NOS1AP: variants seen among roughly 807,000 people sequenced by gnomAD.
NOS1AP encodes the protein nitric oxide synthase 1 adaptor protein.
A neutral mutation model predicts 56.2 loss-of-function variants in NOS1AP; 21 were observed. That is an observed-to-expected ratio of 0.37 (90% CI 0.26 to 0.54). The LOEUF is 0.54. Among genes scored for constraint, NOS1AP ranks in the 20% least tolerant of loss-of-function variants. The pLI is 0.84. For missense variants in NOS1AP, 522 were observed against 657.8 expected, an observed-to-expected ratio of 0.79 and a Z score of 2.26; for synonymous variants, 270 against 274.6, an observed-to-expected ratio of 0.98 and a Z score of 0.17.
chr1:162,302,424 A>G (rs1219344551), intron 4 of NOS1AP, among the ~76,000 whole-genome samples: 6 of 152,234 alleles, frequency 3.9e-5, no homozygotes, highest in South Asian at 2.1e-4. Flanking sequence ...AACAGATTGC[A>G]TCAGAAGCTG....
chr1:162,176,304 C>T (rs1651057041), intron 2 of NOS1AP, among the ~76,000 whole-genome samples: 1 of 152,128 alleles, frequency 6.6e-6, no homozygotes, highest in African/African-American at 2.4e-5. Context: ...AAATAGTCCA[C>T]TGTGCTTCAT....
rs556085049 is a variant in NOS1AP, at chr1:162,186,413, CAAAACAAAAA to C, written c.177+31950_177+31959del. Among the ~76,000 whole-genome samples the C allele has an allele frequency of 3.3e-4, 49 of 150,610 alleles. No homozygotes were observed. In the South Asian group the frequency reaches 8.6e-3, roughly 27 times the overall value. On this transcript the variant is annotated intron_variant, in intron 2 of 9. Transcript: ENST00000361897. Reference sequence around the variant, plus strand: ...GATGAAGAAAAAAAACAAAACAAAACAAAACAAAAAAAAACAAAAAAACCCCAGCTCTCTC... The same window carrying C: ...GATGAAGAAAAAAAACAAAACAAAACAAAACAAAAAAACCCCAGCTCTCTC...
chr1:162,253,359 G>A (rs1047305596), intron 2 of NOS1AP, among the ~76,000 whole-genome samples: 1 of 152,148 alleles, frequency 6.6e-6, no homozygotes, highest in African/African-American at 2.4e-5. Context: ...GGTGCAAAAT[G>A]AACTAATTCC....
At chr1:162,082,603 A>T (rs571136146) in intron 1 of NOS1AP, among the ~76,000 whole-genome samples, 9 of 152,196 alleles carry the variant, frequency 5.9e-5, no homozygotes, top group Admixed American at 5.9e-4. Flanking sequence ...AACATCTGTT[A>T]TTTTTTGACT....
At chr1:162,138,802 C>G (rs937700069) in intron 1 of NOS1AP, among the ~76,000 whole-genome samples, 1 of 152,176 alleles carries the variant, frequency 6.6e-6, no homozygotes, top group Non-Finnish European at 1.5e-5. Context: ...GGGTGTTTTA[C>G]TGTCTTGCTA....
intron 2 of NOS1AP, among the ~76,000 whole-genome samples, chr1:162,233,188 T>A (rs1179241555): frequency 6.6e-6 from 1 of 152,216 alleles, no homozygotes; most frequent in East Asian, 1.9e-4. Flanking sequence ...CTGATATTGC[T>A]GCTCCAGGGA....
intron 2 of NOS1AP, among the ~76,000 whole-genome samples, chr1:162,259,025 G>C (rs1214152452): frequency 1.3e-5 from 2 of 152,126 alleles, no homozygotes; most frequent in African/African-American, 4.8e-5. Flanking sequence ...AGTATCACCA[G>C]CCTCACCATT....
intron 2 of NOS1AP, among the ~76,000 whole-genome samples, chr1:162,184,019 G>A (rs1026996101): frequency 2.6e-5 from 4 of 152,124 alleles, no homozygotes; most frequent in African/African-American, 7.2e-5. Context: ...TTCCTTACCC[G>A]GCTTAATCAT....
chr1:162,349,231 G>A (rs1319012722), intron 6 of NOS1AP, among the ~76,000 whole-genome samples: 2 of 151,966 alleles, frequency 1.3e-5, no homozygotes, highest in Non-Finnish European at 2.9e-5. Context: ...CTGATTGGAT[G>A]AGGTCTTCCC....
At chr1:162,301,788 G>T (rs534439881) in intron 4 of NOS1AP, among the ~76,000 whole-genome samples, 2 of 152,302 alleles carry the variant, frequency 1.3e-5, no homozygotes, top group Non-Finnish European at 2.9e-5. Flanking sequence ...TTTAGGTTTT[G>T]ATTTTGTCCG....
intron 2 of NOS1AP, among the ~76,000 whole-genome samples, chr1:162,273,465 G>A (rs894475046): frequency 6.6e-6 from 1 of 152,032 alleles, no homozygotes; most frequent in East Asian, 1.9e-4. Flanking sequence ...GCGCCCGGCC[G>A]AAGCCTCTGT....
At chr1:162,169,720 TA>T (rs1355339243) in intron 2 of NOS1AP, among the ~76,000 whole-genome samples, 1 of 152,202 alleles carries the variant, frequency 6.6e-6, no homozygotes, top group African/African-American at 2.4e-5. Context: ...ATCATGTCTC[TA>T]TTCAAAAACT....
At chr1:162,240,616 T>C (rs1400719850) in intron 2 of NOS1AP, among the ~76,000 whole-genome samples, 1 of 152,190 alleles carries the variant, frequency 6.6e-6, no homozygotes, top group South Asian at 2.1e-4. Flanking sequence ...AAACAAAAAC[T>C]ACAAACGTGG....
intron 8 of NOS1AP, chr1:162,360,417 A>G (rs1298761831): frequency 5.8e-6 from 1 of 173,826 alleles, no homozygotes; most frequent in East Asian, 1.7e-4. Context: ...CTGCATGGCC[A>G]TGGGCTGGGC....
At chr1:162,147,331 CAAAAAA>C (rs572205161) in intron 1 of NOS1AP, among the ~76,000 whole-genome samples, 1 of 74,860 alleles carries the variant, frequency 1.3e-5, no homozygotes, top group African/African-American at 4.3e-5. Flanking sequence ...GACTCCGTCT[CAAAAAA>C]AAAAAAAAAA....
At chr1:162,138,936 C>T (rs1415174342) in intron 1 of NOS1AP, among the ~76,000 whole-genome samples, 2 of 152,160 alleles carry the variant, frequency 1.3e-5, no homozygotes. Flanking sequence ...CAGGGCAGTG[C>T]CAGGCAAACT....
intron 1 of NOS1AP, among the ~76,000 whole-genome samples, chr1:162,119,841 G>A (rs904873257): frequency 7.2e-5 from 11 of 152,074 alleles, no homozygotes; most frequent in South Asian, 2.1e-4. Flanking sequence ...GCGTAGAATC[G>A]TCCTCTGAAG....
chr1:162,187,621 G>A (rs1361032), intron 2 of NOS1AP, among the ~76,000 whole-genome samples: 149,984 of 152,276 alleles, frequency 0.98, 73,908 homozygotes, highest in East Asian at 1. Flanking sequence ...TGAGTATGAG[G>A]ATGTGTTGGG....
intron 2 of NOS1AP, among the ~76,000 whole-genome samples, chr1:162,241,279 A>T (rs1653480735): frequency 1.3e-5 from 2 of 152,234 alleles, no homozygotes; most frequent in African/African-American, 2.4e-5. Context: ...GATAATGCTT[A>T]GCATGTGCCA....
Sources: gnomAD v4.1 joint callset for allele counts (sites outside exome capture counted in the v4.1 genomes callset) on GRCh38, gnomAD v4.1.1 for gene constraint, MANE v1.5 for transcripts, NCBI Gene and HGNC (gene_info 2026-07-23, HGNC 2026-07-21) for gene names.